The following PRDM6 variants were observed in gnomAD, a reference collection of about 807,000 sequenced individuals.
PRDM6 encodes PR/SET domain 6.
A neutral mutation model predicts 60.8 loss-of-function variants in PRDM6; 25 were observed. The observed-to-expected ratio is 0.41, with a 90% confidence interval of 0.30 to 0.57. The LOEUF is 0.57. Among genes scored for constraint, PRDM6 ranks in the 20% least tolerant of loss-of-function variants. PRDM6 has a pLI of 0.27. For synonymous variants in PRDM6, 407 were observed against 357.4 expected, an observed-to-expected ratio of 1.14 and a Z score of -1.57; for missense variants, 839 against 821.3, an observed-to-expected ratio of 1.02 and a Z score of -0.26.
intron 3 of PRDM6, among the ~76,000 whole-genome samples, chr5:123,155,188 T>C (rs2126872112): frequency 6.6e-6 from 1 of 152,064 alleles, no homozygotes; most frequent in East Asian, 1.9e-4. Context: ...CAGTAACAAT[T>C]AGACAACTCG....
chr5:123,146,811 G>C (rs461097), intron 3 of PRDM6, among the ~76,000 whole-genome samples: 9,654 of 152,218 alleles, frequency 0.063, 334 homozygotes, highest in Non-Finnish European at 0.072. Context: ...TAGGAGGGAA[G>C]CTGGAAACTG....
chr5:123,171,189 C>T, intron 6 of PRDM6, 81 bp downstream of exon 6: 1 of 1,135,320 alleles, frequency 8.8e-7, no homozygotes, highest in East Asian at 2.6e-5. Context: ...CTGAGCACCT[C>T]CACAGGGGAA....
chr5:123,123,825 T>C (rs909751707), intron 3 of PRDM6, among the ~76,000 whole-genome samples: 2 of 152,158 alleles, frequency 1.3e-5, no homozygotes, highest in African/African-American at 2.4e-5. Flanking sequence ...GTCTCTTGTA[T>C]CAGATGAGAG....
chr5:123,139,110 A>G (rs1765040098), intron 3 of PRDM6, among the ~76,000 whole-genome samples: 1 of 152,062 alleles, frequency 6.6e-6, no homozygotes, highest in Admixed American at 6.6e-5. Context: ...TTCTGCCATG[A>G]TTCTAAGTTT....
chr5:123,111,859 A>G (rs1486131760), intron 3 of PRDM6, among the ~76,000 whole-genome samples: 1 of 151,980 alleles, frequency 6.6e-6, no homozygotes, highest in Admixed American at 6.6e-5. Context: ...AGTTCTGTTA[A>G]TAATCCTGTG....
At chr5:123,182,898 A>T (rs114109501) in intron 7 of PRDM6, among the ~76,000 whole-genome samples, 1,713 of 152,274 alleles carry the variant, frequency 0.011, 26 homozygotes, top group African/African-American at 0.039. Context: ...CAAGATTTAA[A>T]CATCTTCTAG....
intron 3 of PRDM6, among the ~76,000 whole-genome samples, chr5:123,125,016 G>A (rs1332583797): frequency 1.3e-5 from 2 of 150,874 alleles, no homozygotes; most frequent in Non-Finnish European, 2.9e-5. Context: ...TTTGATGCCA[G>A]AATTTCATCA....
At chr5:123,137,705 G>C (rs1764994939) in intron 3 of PRDM6, among the ~76,000 whole-genome samples, 1 of 152,108 alleles carries the variant, frequency 6.6e-6, no homozygotes, top group African/African-American at 2.4e-5. Flanking sequence ...GGGTTGATGG[G>C]TGCAGCAAAC....
chr5:123,114,438 G>C lies in PRDM6; in HGVS notation c.900+14477G>C, dbSNP rs187852074. On this transcript the variant is annotated intron_variant, in intron 3 of 7. Transcript: ENST00000407847. ...AAGAATTCCTTCCAGGCTAATCCCA[G>C]GTCTTCACCACCCTTTCCACACTCA... Among the ~76,000 whole-genome samples the C allele has an allele frequency of 8.5e-5, 13 of 152,208 alleles. No individual in the cohort carries two copies. In the East Asian group the frequency reaches 2.5e-3, roughly 29 times the overall value.
chr5:123,093,266 G>A (rs921165846), intron 2 of PRDM6, among the ~76,000 whole-genome samples: 1 of 152,112 alleles, frequency 6.6e-6, no homozygotes, highest in African/African-American at 2.4e-5. Flanking sequence ...AAAAAGGGCG[G>A]GATGCGGGGG....
intron 6 of PRDM6, among the ~76,000 whole-genome samples, chr5:123,177,346 T>G (rs951866220): frequency 6.6e-6 from 1 of 152,224 alleles, no homozygotes; most frequent in African/African-American, 2.4e-5. Context: ...ATTTCTAGGC[T>G]GAAAGAGACA....
intron 7 of PRDM6, 32 bp from the exon 8 acceptor site, chr5:123,187,055 C>T: frequency 1.3e-6 from 2 of 1,507,748 alleles, no homozygotes. Context: ...GCCCCGCTCC[C>T]TGGTCTCAAT....
chr5:123,101,050 A>G (rs1342384306), intron 3 of PRDM6, among the ~76,000 whole-genome samples: 1 of 152,226 alleles, frequency 6.6e-6, no homozygotes, highest in African/African-American at 2.4e-5. Context: ...TCGTTTCTGC[A>G]AGAGATTGCC....
intron 2 of PRDM6, among the ~76,000 whole-genome samples, chr5:123,095,842 G>T (rs1175571670): frequency 6.6e-6 from 1 of 152,356 alleles, no homozygotes; most frequent in South Asian, 2.1e-4. Context: ...AAGCCCGGAA[G>T]CGTTTTATAT....
chr5:123,167,900 C>A (rs1765793770), intron 5 of PRDM6, among the ~76,000 whole-genome samples: 1 of 152,138 alleles, frequency 6.6e-6, no homozygotes, highest in South Asian at 2.1e-4. Flanking sequence ...TTTGAAATTG[C>A]CTGGCCTGTA....
intron 6 of PRDM6, among the ~76,000 whole-genome samples, chr5:123,176,699 C>G (rs890849547): frequency 6.6e-6 from 1 of 152,070 alleles, no homozygotes; most frequent in Non-Finnish European, 1.5e-5. Context: ...GGCAACAGAG[C>G]GAGACCCTGT....
In PRDM6 at chr5:123,187,136, C is replaced by T; in HGVS notation, c.1723C>T (p.His575Tyr). Residue 575 changes from histidine (H) to tyrosine (Y), a missense_variant, in exon 8 of 8, where the codon CAC (histidine) becomes TAC (tyrosine). Physicochemically the swap from His to Tyr is moderately conservative, Grantham distance 83. This residue lies in a region of PRDM6 where 109 missense variants were observed against 172.6 expected (regional missense o/e 0.63). Transcript: ENST00000407847. ...SFTQATQLSRHQRMPNECKPI... is the reference protein window; with the variant it reads ...SFTQATQLSRYQRMPNECKPI... ...CACGCAGGCCACCCAGCTGAGCCGA[C>T]ACCAGCGGATGCCCAATGAGTGCAA... 6.4e-7 allele frequency: 1 copy of T among 1,551,618 alleles called. No individual in the cohort carries two copies. The highest frequency in any genetic ancestry group is 8.7e-7 in the Non-Finnish European group (1 of 1,146,930).
rs1473613393 is a variant in PRDM6 at position 123,188,795 on chromosome 5, G to T, written c.*1594G>T. 6.6e-6 allele frequency: 1 copy of T among 152,134 alleles called. No individual in the cohort carries two copies. The highest frequency in any genetic ancestry group is 1.5e-5 in the Non-Finnish European group (1 of 68,028). The allele number at this position is 152,134 out of a possible 1,614,324, so 9.4% of individuals were successfully genotyped here. On this transcript the variant is annotated 3_prime_UTR_variant, in exon 8 of 8. Transcript: ENST00000407847. Reference sequence around the variant, plus strand: ...AATCTATTATTATGTATCTGGCTCTGAGAAAATCTCTCTTCCCTTTTAATT... The same window carrying T: ...AATCTATTATTATGTATCTGGCTCTTAGAAAATCTCTCTTCCCTTTTAATT...
At chr5:123,095,314 T>A (rs2150205853) in intron 2 of PRDM6, among the ~76,000 whole-genome samples, 1 of 152,330 alleles carries the variant, frequency 6.6e-6, no homozygotes, top group South Asian at 2.1e-4. Context: ...AAACTCAGCC[T>A]TCGGCGCTGA....
Sources: gnomAD v4.1 joint callset for allele counts (sites outside exome capture counted in the v4.1 genomes callset) on GRCh38, gnomAD v4.1.1 for gene constraint, gnomAD v4.1.1 regional missense constraint, MANE v1.5 for transcripts, NCBI Gene and HGNC (gene_info 2026-07-23, HGNC 2026-07-21) for gene names.